The following COL4A1 variants were observed in gnomAD, a reference collection of about 807,000 sequenced individuals.
The protein encoded by COL4A1 is collagen type IV alpha 1 chain, also known as collagen alpha-1(IV) chain.
A neutral mutation model predicts 216.6 loss-of-function variants in COL4A1; 40 were observed. The ratio of observed to expected loss-of-function variants is 0.18; its 90% CI spans 0.14 to 0.24. COL4A1 has a LOEUF of 0.24. Ranked by LOEUF, COL4A1 falls within the 10% of genes least tolerant of loss-of-function variation. The pLI is 1.00. For missense variants in COL4A1, 1,628 were observed against 2,196.8 expected (o/e 0.74, Z 5.18); for synonymous variants, 839 against 810.7 (o/e 1.03, Z -0.59).
chr13:110,298,668 G>A (rs942269719), intron 1 of COL4A1: 3 of 152,300 alleles, frequency 2.0e-5, no homozygotes, highest in Non-Finnish European at 4.4e-5. Flanking sequence ...TCACCAGGAA[G>A]CCGAGTGGCC....
At chr13:110,178,830 T>G in intron 31 of COL4A1, 93 bp downstream of exon 31, 1 of 928,102 alleles carries the variant, frequency 1.1e-6, no homozygotes, top group Non-Finnish European at 1.7e-6. Context: ...TACATTGTGC[T>G]AAGCTTCACT....
At chr13:110,162,828 G>A (rs1189712047) in intron 47 of COL4A1, among the ~76,000 whole-genome samples, 1 of 152,236 alleles carries the variant, frequency 6.6e-6, no homozygotes, top group Admixed American at 6.5e-5. Context: ...TCCTGTTGGG[G>A]AGGACTATCA....
intron 2 of COL4A1, among the ~76,000 whole-genome samples, chr13:110,222,867 C>T (rs1297318033): frequency 6.6e-6 from 1 of 150,596 alleles, no homozygotes; most frequent in Non-Finnish European, 1.5e-5. Flanking sequence ...ATATTCAGTG[C>T]CATTGAACAC....
At chr13:110,172,509 A>G (rs186931410) in intron 41 of COL4A1, among the ~76,000 whole-genome samples, 13 of 152,384 alleles carry the variant, frequency 8.5e-5, no homozygotes, top group Admixed American at 3.3e-4. Context: ...AATTCTGATC[A>G]TGAGTGTACT....
rs77748762 is a variant in COL4A1, at chr13:110,304,176, G to C, written c.84+2768C>G. Among the ~76,000 whole-genome samples the C allele has an allele frequency of 2.4e-3, 369 of 152,218 alleles. 2 individuals are homozygous for C. Among genetic ancestry groups the C allele is most frequent in the African/African-American group, 8.7e-3 (361 of 41,540 alleles). Reference sequence around the variant, plus strand: ...AATATAAAGAGCTTGCAGATATAAGGAATAGCTTCACCAATATCACTCCTG... The same window carrying C: ...AATATAAAGAGCTTGCAGATATAAGCAATAGCTTCACCAATATCACTCCTG... On this transcript the variant is annotated intron_variant, in intron 1 of 51. Transcript: ENST00000375820.
intron 18 of COL4A1, 114 bp from the exon 19 acceptor site, chr13:110,201,636 A>G (rs1192469070): frequency 1.7e-5 from 16 of 952,178 alleles, no homozygotes; most frequent in Admixed American, 3.4e-5. Flanking sequence ...AAGAAATATG[A>G]AAGTGAAGTA....
intron 24 of COL4A1, among the ~76,000 whole-genome samples, chr13:110,187,641 C>G (rs1878460948): frequency 6.6e-6 from 1 of 152,180 alleles, no homozygotes; most frequent in South Asian, 2.1e-4. Flanking sequence ...CTTACCCTAA[C>G]AACTGCTCAA....
In COL4A1 at chr13:110,207,872, T is replaced by C. The variant is rs529041; in HGVS notation, c.694-383A>G. Among the ~76,000 whole-genome samples, 136,528 of 152,272 alleles carry C rather than the reference T, an allele frequency of 0.9. 61,345 individuals carry two copies. The highest frequency in any genetic ancestry group is 0.93 in the Middle Eastern group (274 of 294). On this transcript the variant is annotated intron_variant, in intron 12 of 51. Coordinates refer to ENST00000375820, the MANE Select transcript of COL4A1 (RefSeq NM_001845.6). The surrounding 1 kb of genome is among the most constrained non-coding windows in gnomAD (Gnocchi z 4.4). Reference sequence around the variant, plus strand: ...AGAAAAAAGAAGGCATTTTAGGTAATCCCAGAATAAGACAACCATCAAGAG... The same window carrying C: ...AGAAAAAAGAAGGCATTTTAGGTAACCCCAGAATAAGACAACCATCAAGAG...
intron 22 of COL4A1, among the ~76,000 whole-genome samples, chr13:110,193,696 C>G (rs749318356): frequency 3.3e-5 from 5 of 152,272 alleles, no homozygotes; most frequent in Non-Finnish European, 7.3e-5. Context: ...ATTGCCCACT[C>G]TGCCCTGGGA....
intron 29 of COL4A1, 61 bp downstream of exon 29, chr13:110,181,231 T>C: frequency 6.5e-7 from 1 of 1,534,108 alleles, no homozygotes; most frequent in Non-Finnish European, 9.0e-7. Context: ...CTGCATTTTT[T>C]CCATCCAACT....
chr13:110,175,508 T>C, intron 36 of COL4A1, 151 bp from the exon 37 acceptor site: 1 of 1,390,944 alleles, frequency 7.2e-7, no homozygotes. Context: ...TGCACATCCC[T>C]CATGTATCAA....
intron 1 of COL4A1, among the ~76,000 whole-genome samples, chr13:110,253,926 G>A (rs142522038): frequency 6.6e-6 from 1 of 151,928 alleles, no homozygotes; most frequent in East Asian, 1.9e-4. Flanking sequence ...ATTAATTGGA[G>A]TAGGAGAAGG....
At chr13:110,289,571 C>T (rs1883998744) in intron 1 of COL4A1, among the ~76,000 whole-genome samples, 2 of 152,278 alleles carry the variant, frequency 1.3e-5, no homozygotes, top group South Asian at 2.1e-4. Flanking sequence ...CCCAAGACAA[C>T]GGATGAGATA....
At chr13:110,288,716 C>A (rs1310870363) in intron 1 of COL4A1, among the ~76,000 whole-genome samples, 2 of 152,196 alleles carry the variant, frequency 1.3e-5, no homozygotes, top group African/African-American at 4.8e-5. Context: ...TGAAATGCCT[C>A]AAGCCTCGGG....
At chr13:110,213,469 C>T (rs751320130) in intron 4 of COL4A1, among the ~76,000 whole-genome samples, 3 of 152,134 alleles carry the variant, frequency 2.0e-5, no homozygotes, top group Non-Finnish European at 4.4e-5. Flanking sequence ...GACACATCAT[C>T]AATTGCCCCT....
At chr13:110,163,773 T>G (rs1877195940) in intron 46 of COL4A1, among the ~76,000 whole-genome samples, 2 of 152,076 alleles carry the variant, frequency 1.3e-5, no homozygotes, top group Admixed American at 1.3e-4. Flanking sequence ...GGGTGTGTGT[T>G]TGGGCACCTC....
intron 2 of COL4A1, among the ~76,000 whole-genome samples, chr13:110,235,425 C>A (rs924106284): frequency 6.6e-6 from 1 of 151,894 alleles, no homozygotes; most frequent in East Asian, 1.9e-4. Flanking sequence ...CTGAGGCGGG[C>A]GGATCACAAG....
chr13:110,177,268 C>T (rs1271760508), intron 33 of COL4A1, among the ~76,000 whole-genome samples: 1 of 152,208 alleles, frequency 6.6e-6, no homozygotes, highest in Non-Finnish European at 1.5e-5. Context: ...AATAACTCTA[C>T]TGCATGTGAC....
chr13:110,254,221 A>G (rs1882413076), intron 1 of COL4A1, among the ~76,000 whole-genome samples: 1 of 152,180 alleles, frequency 6.6e-6, no homozygotes, highest in Non-Finnish European at 1.5e-5. Context: ...TCTGTGGTCC[A>G]GGAAGTGCAC....
Sources: allele counts gnomAD v4.1 joint callset (sites outside exome capture counted in the v4.1 genomes callset), GRCh38; gene constraint gnomAD v4.1.1; non-coding constraint Gnocchi (gnomAD v3.1); transcripts MANE v1.5; gene names NCBI Gene and HGNC (gene_info 2026-07-23, HGNC 2026-07-21).